The following CSNK2A2IP variants were observed in gnomAD, a reference collection of about 807,000 sequenced individuals.
CSNK2A2IP encodes casein kinase 2 subunit alpha' interacting protein.
At chr3:88,369,680 G>T in the CSNK2A2IP span, among the ~76,000 whole-genome samples, 1 of 151,932 alleles carries the variant, frequency 6.6e-6, no homozygotes, top group Non-Finnish European at 1.5e-5. Context: ...GGAGAGAGTA[G>T]AGGTGGGCCT....
chr3:88,348,524 A>G, the CSNK2A2IP span, among the ~76,000 whole-genome samples: 4 of 152,096 alleles, frequency 2.6e-5, no homozygotes, highest in Non-Finnish European at 4.4e-5. Flanking sequence ...TAAGTGAAAC[A>G]TATGATAAAT....
chr3:88,374,522 A>G, the CSNK2A2IP span, among the ~76,000 whole-genome samples: 2 of 151,632 alleles, frequency 1.3e-5, no homozygotes, highest in Non-Finnish European at 3.0e-5. Flanking sequence ...TTAAAAGTCT[A>G]CCAGTATTTT....
chr3:88,453,680 A>G, the CSNK2A2IP span, among the ~76,000 whole-genome samples: 1 of 152,050 alleles, frequency 6.6e-6, no homozygotes, highest in Non-Finnish European at 1.5e-5. Flanking sequence ...ACTTTGAAAC[A>G]TTAGCTGAGT....
chr3:88,373,201 A>G, the CSNK2A2IP span, among the ~76,000 whole-genome samples: 1 of 151,456 alleles, frequency 6.6e-6, no homozygotes, highest in Non-Finnish European at 1.5e-5. Flanking sequence ...AGAACATGGG[A>G]CATTTAGCAA....
At chr3:88,442,175 C>T in the CSNK2A2IP span, among the ~76,000 whole-genome samples, 1 of 151,588 alleles carries the variant, frequency 6.6e-6, no homozygotes, top group African/African-American at 2.4e-5. Context: ...AATTAGGTAC[C>T]ATTAATTTCT....
chr3:88,453,013 T>G, the CSNK2A2IP span, among the ~76,000 whole-genome samples: 1 of 152,238 alleles, frequency 6.6e-6, no homozygotes, highest in Non-Finnish European at 1.5e-5. Flanking sequence ...GGTTTATATT[T>G]GTATAAAAGT....
At chr3:88,345,531 A>T in the CSNK2A2IP span, among the ~76,000 whole-genome samples, 1 of 151,952 alleles carries the variant, frequency 6.6e-6, no homozygotes, top group Non-Finnish European at 1.5e-5. Context: ...CCTCTGTGTG[A>T]CACTTTGGTA....
the CSNK2A2IP span, chr3:88,466,382 C>A: frequency 8.1e-7 from 1 of 1,231,898 alleles, no homozygotes; most frequent in Non-Finnish European, 1.0e-6. Flanking sequence ...GTCTGTCACT[C>A]CAAGTTTCAG....
chr3:88,457,870 C>T, the CSNK2A2IP span, among the ~76,000 whole-genome samples: 3 of 151,756 alleles, frequency 2.0e-5, no homozygotes, highest in Non-Finnish European at 4.4e-5. Context: ...GGGTCATCAA[C>T]GAAGTCATCA....
At chr3:88,449,278 T>A in the CSNK2A2IP span, among the ~76,000 whole-genome samples, 26 of 152,196 alleles carry the variant, frequency 1.7e-4, no homozygotes, top group Admixed American at 2.6e-4. Context: ...TTTTCTTGAT[T>A]CACTAAGATA....
At chr3:88,365,684 T>C in the CSNK2A2IP span, among the ~76,000 whole-genome samples, 3 of 152,156 alleles carry the variant, frequency 2.0e-5, no homozygotes, top group Non-Finnish European at 4.4e-5. Flanking sequence ...TTGGCTTCTT[T>C]GGCTAGTTCC....
chr3:88,350,369 A>C, the CSNK2A2IP span, among the ~76,000 whole-genome samples: 1 of 152,134 alleles, frequency 6.6e-6, no homozygotes, highest in Non-Finnish European at 1.5e-5. Flanking sequence ...CTTGTGAAGG[A>C]AAGCTTTTTT....
the CSNK2A2IP span, among the ~76,000 whole-genome samples, chr3:88,454,463 T>G: frequency 6.7e-6 from 1 of 150,170 alleles, no homozygotes; most frequent in African/African-American, 2.5e-5. Context: ...CTGATTGAGC[T>G]TTTGGTTTCA....
the CSNK2A2IP span, among the ~76,000 whole-genome samples, chr3:88,424,399 T>C: frequency 1.9e-4 from 29 of 152,304 alleles, no homozygotes; most frequent in African/African-American, 6.7e-4. Flanking sequence ...AATGTGACGT[T>C]GTACAAACAA....
chr3:88,353,277 T>C, the CSNK2A2IP span, among the ~76,000 whole-genome samples: 1 of 152,174 alleles, frequency 6.6e-6, no homozygotes, highest in East Asian at 1.9e-4. Flanking sequence ...ACTAAAACTG[T>C]GCAAGTCACA....
At chr3:88,432,826 G>T in the CSNK2A2IP span, among the ~76,000 whole-genome samples, 8 of 150,814 alleles carry the variant, frequency 5.3e-5, no homozygotes, top group Admixed American at 1.3e-4. Flanking sequence ...TATAAATCCT[G>T]TAAATGAGCT....
At chr3:88,344,501 T>A in the CSNK2A2IP span, among the ~76,000 whole-genome samples, 72,017 of 151,714 alleles carry the variant, frequency 0.47, 18,255 homozygotes, top group South Asian at 0.66. Context: ...AGCCCCAGAC[T>A]GAGTTCAAAG....
the CSNK2A2IP span, among the ~76,000 whole-genome samples, chr3:88,342,071 T>A: frequency 6.6e-5 from 10 of 152,024 alleles, no homozygotes; most frequent in Admixed American, 6.6e-4. Context: ...TTTGTATGTG[T>A]GTATGTCTTT....
the CSNK2A2IP span, among the ~76,000 whole-genome samples, chr3:88,343,904 T>G: frequency 3.9e-5 from 6 of 151,956 alleles, no homozygotes; most frequent in Non-Finnish European, 7.4e-5. Context: ...TCAATCAATA[T>G]TTCACAATAA....
Sources: gnomAD v4.1 joint callset for allele counts (sites outside exome capture counted in the v4.1 genomes callset) on GRCh38, gnomAD v4.1.1 for gene constraint, MANE v1.5 for transcripts, NCBI Gene and HGNC (gene_info 2026-07-23, HGNC 2026-07-21) for gene names.